Variants in IMMP2L observed in about 807,000 individuals in gnomAD.
IMMP2L encodes mitochondrial inner membrane protease subunit 2.
IMMP2L carries 18 observed loss-of-function variants against 19.3 expected under a neutral mutation model. That is an observed-to-expected ratio of 0.93 (90% CI 0.64 to 1.38). The LOEUF (loss-of-function observed/expected upper bound fraction) is 1.38. Ranked by LOEUF, IMMP2L falls within the 40% of genes most tolerant of loss-of-function variation. The pLI is 0.00. For missense variants in IMMP2L, 233 were observed against 218.2 expected (o/e 1.07, Z -0.43); for synonymous variants, 76 against 73.0 (o/e 1.04, Z -0.21).
At chr7:110,858,738 T>C (rs893783804) in intron 5 of IMMP2L, among the ~76,000 whole-genome samples, 6 of 152,046 alleles carry the variant, frequency 3.9e-5, no homozygotes, top group Admixed American at 1.3e-4. Flanking sequence ...TATCTCCTAA[T>C]GCTATCCCTC....
intron 3 of IMMP2L, among the ~76,000 whole-genome samples, chr7:111,061,159 C>T (rs1447455793): frequency 6.6e-6 from 1 of 152,104 alleles, no homozygotes; most frequent in African/African-American, 2.4e-5. Context: ...AGCTAGTTTT[C>T]AAAACCAAGT....
chr7:111,464,949 C>T (rs998388834), intron 3 of IMMP2L, among the ~76,000 whole-genome samples: 4 of 151,968 alleles, frequency 2.6e-5, no homozygotes, highest in Non-Finnish European at 5.9e-5. Context: ...CCACCAGGCC[C>T]GGCTAATTTT....
intron 3 of IMMP2L, among the ~76,000 whole-genome samples, chr7:111,159,959 T>G (rs577842338): frequency 3.9e-5 from 6 of 152,084 alleles, no homozygotes; most frequent in Non-Finnish European, 8.8e-5. Flanking sequence ...TTTCAAGTGC[T>G]CCAAAGCTAA....
At chr7:111,209,874 T>C (rs899087075) in intron 3 of IMMP2L, among the ~76,000 whole-genome samples, 3 of 152,194 alleles carry the variant, frequency 2.0e-5, no homozygotes, top group Non-Finnish European at 2.9e-5. Flanking sequence ...TCAGATATTC[T>C]TGATCTCTAG....
chr7:111,052,254 C>G (rs1793075550), intron 3 of IMMP2L, among the ~76,000 whole-genome samples: 1 of 152,140 alleles, frequency 6.6e-6, no homozygotes, highest in Non-Finnish European at 1.5e-5. Flanking sequence ...CTTTTCCTGA[C>G]CCAGGAGAGA....
intron 3 of IMMP2L, among the ~76,000 whole-genome samples, chr7:111,208,472 G>T (rs214458): frequency 2.6e-5 from 4 of 152,088 alleles, no homozygotes; most frequent in Non-Finnish European, 5.9e-5. Context: ...ATTTAATTAT[G>T]CCCTGGCCCA....
rs187175588 is a variant in IMMP2L, at chr7:111,041,467, G to A, written c.240-77902C>T. 2.7e-3 allele frequency among the ~76,000 whole-genome samples: 410 copies of A among 151,814 alleles called. 2 individuals carry two copies. Among genetic ancestry groups the A allele is most frequent in the Non-Finnish European group, 5.2e-3 (352 of 67,936 alleles). ...ATGATCTCTTAACTGCCAGATGAGT[G>A]GCTTTTCTAGTTTGCATTCTTTTAA... On this transcript the variant is annotated intron_variant, in intron 3 of 5. Transcript: ENST00000405709.
At chr7:111,517,531 C>T (rs1465305950) in intron 2 of IMMP2L, among the ~76,000 whole-genome samples, 1 of 151,694 alleles carries the variant, frequency 6.6e-6, no homozygotes, top group Non-Finnish European at 1.5e-5. Context: ...ATGTGGAAAG[C>T]ATATACCTTT....
chr7:110,769,353 C>T (rs1798886028), intron 5 of IMMP2L, among the ~76,000 whole-genome samples: 1 of 152,158 alleles, frequency 6.6e-6, no homozygotes, highest in Non-Finnish European at 1.5e-5. Flanking sequence ...ACACATGCTG[C>T]TGCTTTATAC....
At chr7:111,560,635 T>C (rs186647238) in intron 1 of IMMP2L, among the ~76,000 whole-genome samples, 52 of 152,326 alleles carry the variant, frequency 3.4e-4, no homozygotes, top group Middle Eastern at 3.4e-3. Context: ...AGGGAAAGTC[T>C]TGTAAATTAA....
intron 3 of IMMP2L, among the ~76,000 whole-genome samples, chr7:111,467,675 T>C (rs1217995326): frequency 6.6e-6 from 1 of 152,192 alleles, no homozygotes; most frequent in Non-Finnish European, 1.5e-5. Context: ...CAAAACATTC[T>C]GAGTATATGC....
intron 3 of IMMP2L, among the ~76,000 whole-genome samples, chr7:110,990,689 C>T (rs1822363699): frequency 6.6e-6 from 1 of 152,170 alleles, no homozygotes; most frequent in South Asian, 2.1e-4. Context: ...AGCCTCCTAA[C>T]CAGGCTCCCT....
intron 3 of IMMP2L, among the ~76,000 whole-genome samples, chr7:111,186,792 G>C (rs1808315459): frequency 6.6e-6 from 1 of 152,012 alleles, no homozygotes; most frequent in African/African-American, 2.4e-5. Flanking sequence ...ATCTAAGAAT[G>C]AGTCTTACGG....
intron 3 of IMMP2L, among the ~76,000 whole-genome samples, chr7:111,371,324 T>C (rs2131105406): frequency 1.3e-5 from 2 of 152,156 alleles, no homozygotes; most frequent in East Asian, 1.9e-4. Flanking sequence ...AATGTCTGCA[T>C]ACTTTTGCAT....
At chr7:110,985,122 G>C (rs1399611880) in intron 3 of IMMP2L, among the ~76,000 whole-genome samples, 2 of 152,008 alleles carry the variant, frequency 1.3e-5, no homozygotes, top group Admixed American at 1.3e-4. Flanking sequence ...AGTTAGAAAA[G>C]GCAAGAAAAC....
intron 5 of IMMP2L, among the ~76,000 whole-genome samples, chr7:110,713,346 T>C (rs1795022829): frequency 1.3e-5 from 2 of 152,216 alleles, no homozygotes; most frequent in Admixed American, 1.3e-4. Flanking sequence ...GGTAATGTGA[T>C]GCGTCTGACT....
intron 5 of IMMP2L, among the ~76,000 whole-genome samples, chr7:110,823,746 C>T (rs1803230336): frequency 6.6e-6 from 1 of 152,008 alleles, no homozygotes; most frequent in Admixed American, 6.6e-5. Flanking sequence ...AAAGTGAATG[C>T]TATCAAAACT....
chr7:110,960,685 A>G (rs1483585738), intron 4 of IMMP2L, among the ~76,000 whole-genome samples: 1 of 151,950 alleles, frequency 6.6e-6, no homozygotes, highest in Non-Finnish European at 1.5e-5. Context: ...ACAGTCACCA[A>G]GTTCTTCTAG....
intron 3 of IMMP2L, among the ~76,000 whole-genome samples, chr7:111,126,635 T>C (rs1238361720): frequency 1.3e-5 from 2 of 152,104 alleles, no homozygotes; most frequent in Non-Finnish European, 2.9e-5. Flanking sequence ...AAAAATCTTA[T>C]ATAGGGAATA....
Sources: allele counts gnomAD v4.1 joint callset (sites outside exome capture counted in the v4.1 genomes callset), GRCh38; gene constraint gnomAD v4.1.1; transcripts MANE v1.5; gene names NCBI Gene and HGNC (gene_info 2026-07-23, HGNC 2026-07-21).